The following MRPL35 variants were observed in gnomAD, a reference collection of about 807,000 sequenced individuals.
MRPL35 encodes mitochondrial ribosomal protein L35.
A neutral mutation model predicts 21.6 loss-of-function variants in MRPL35; 18 were observed. That is an observed-to-expected ratio of 0.83 (90% CI 0.58 to 1.24). The LOEUF is 1.24. Among genes scored for constraint, MRPL35 ranks in the 50% most tolerant of loss-of-function variants. The pLI is 0.00. For missense variants in MRPL35, 223 were observed against 223.2 expected (o/e 1.00, Z 0.01); for synonymous variants, 87 against 86.9 (o/e 1.00, Z -0.01).
In MRPL35 at chr2:86,199,483, A is replaced by G. The variant is rs760130446; in HGVS notation, c.-8A>G. The G allele has an allele frequency of 1.9e-6, 3 of 1,614,152 alleles. No individual in the cohort carries two copies. Among genetic ancestry groups the G allele is most frequent in the Non-Finnish European group, 1.7e-6 (2 of 1,180,038 alleles). On this transcript the variant is annotated 5_prime_UTR_variant, in exon 1 of 4. Coordinates refer to ENST00000337109, the MANE Select transcript of MRPL35 (RefSeq NM_016622.4). ...AACCCAAAGCGGCCGCCGTAGGCGA[A>G]GGTGAAGATGGCTGCCTCTGCCTTT... is the stretch of plus-strand genomic sequence containing the variant.
chr2:86,200,837 T>C (rs918931042), intron 1 of MRPL35, among the ~76,000 whole-genome samples: 4 of 152,180 alleles, frequency 2.6e-5, no homozygotes, highest in Admixed American at 6.5e-5. Flanking sequence ...CAGCTAATTT[T>C]GTATTTTTAG....
rs911411983 is a variant in MRPL35 at position 86,211,237 on chromosome 2, T to C, written c.*569T>C. Reference sequence around the variant, plus strand: ...ACACAGCTTTTGCATACTTACAGTTTCTGTTCCTTTGTAATAACTTTAACT... The same window carrying C: ...ACACAGCTTTTGCATACTTACAGTTCCTGTTCCTTTGTAATAACTTTAACT... On this transcript the variant is annotated 3_prime_UTR_variant, in exon 4 of 4. Transcript: ENST00000337109. 1 of 940,140 alleles carries C rather than the reference T, an allele frequency of 1.1e-6. No individual in the cohort carries two copies. The highest frequency in any genetic ancestry group is 1.3e-6 in the Non-Finnish European group (1 of 789,058). The allele number at this position is 940,140 out of a possible 1,614,324, so 58.2% of individuals were successfully genotyped here. A position where few individuals can be genotyped will look rare whatever the true frequency, so the allele number is the denominator to read the frequency against.
At chr2:86,200,262 C>G (rs1166045799) in intron 1 of MRPL35, among the ~76,000 whole-genome samples, 1 of 151,630 alleles carries the variant, frequency 6.6e-6, no homozygotes, top group Non-Finnish European at 1.5e-5. Context: ...GTAAATTTTA[C>G]CGTTAGAGAA....
intron 1 of MRPL35, among the ~76,000 whole-genome samples, chr2:86,202,724 T>G (rs1673709875): frequency 6.6e-6 from 1 of 152,070 alleles, no homozygotes; most frequent in Non-Finnish European, 1.5e-5. Context: ...GGAGACAGAG[T>G]CTCCTTCTGT....
chr2:86,200,788 C>T (rs1265458745), intron 1 of MRPL35, among the ~76,000 whole-genome samples: 2 of 151,956 alleles, frequency 1.3e-5, no homozygotes, highest in Non-Finnish European at 2.9e-5. Context: ...AAGTGATTCC[C>T]TTGGAGTAGC....
chr2:86,206,083 T>A (rs1558855394), intron 1 of MRPL35, 23 bp from the exon 2 acceptor site: 1 of 1,551,702 alleles, frequency 6.4e-7, no homozygotes, highest in Non-Finnish European at 8.8e-7. Flanking sequence ...GAGTATTAAA[T>A]ATATATGCTC....
intron 3 of MRPL35, 76 bp from the exon 4 acceptor site, chr2:86,210,404 T>C (rs1455087082): frequency 3.1e-6 from 4 of 1,276,558 alleles, no homozygotes; most frequent in Non-Finnish European, 4.2e-6. Flanking sequence ...ATTGGGTCTA[T>C]AAACCTTGAG....
Position 86,211,793 on chromosome 2 carries a change from G to C in MRPL35, c.*1125G>C. ...AGTGGTCCTCCTGCCTCAGCTTACT[G>C]AGTAAGGATATGTATTTCTTAAAAG... On this transcript the variant is annotated 3_prime_UTR_variant, in exon 4 of 4. Transcript: ENST00000337109. 2.0e-6 allele frequency: 2 copies of C among 985,268 alleles called. No homozygotes were observed. Among genetic ancestry groups the C allele is most frequent in the Non-Finnish European group, 2.4e-6 (2 of 829,786 alleles). The allele number at this position is 985,268 out of a possible 1,614,324, so 61.0% of individuals were successfully genotyped here. A position where few individuals can be genotyped will look rare whatever the true frequency, so the allele number is the denominator to read the frequency against.
chr2:86,212,774 A>G lies in MRPL35; in HGVS notation c.*2106A>G, dbSNP rs1673933887. ...TACATACGATTTTTGTTTTGTGGGT[A>G]GGAGGGCTTATCATCAACACTGATT... On this transcript the variant is annotated 3_prime_UTR_variant, in exon 4 of 4. Coordinates refer to ENST00000337109, the MANE Select transcript of MRPL35 (RefSeq NM_016622.4). The G allele has an allele frequency of 5.5e-6, 6 of 1,095,168 alleles. No individual in the cohort carries two copies. Among genetic ancestry groups the G allele is most frequent in the Non-Finnish European group, 6.7e-6 (6 of 901,442 alleles). The allele number at this position is 1,095,168 out of a possible 1,614,324, so 67.8% of individuals were successfully genotyped here. A position where few individuals can be genotyped will look rare whatever the true frequency, so the allele number is the denominator to read the frequency against.
intron 1 of MRPL35, 70 bp downstream of exon 1, chr2:86,199,603 GT>G (rs1673645291): frequency 1.9e-6 from 3 of 1,571,820 alleles, no homozygotes; most frequent in Non-Finnish European, 1.7e-6. Context: ...TGGAATGGGC[GT>G]TTAGACTGGA....
At chr2:86,201,054 C>T (rs1013320658) in intron 1 of MRPL35, among the ~76,000 whole-genome samples, 2 of 152,150 alleles carry the variant, frequency 1.3e-5, no homozygotes, top group Non-Finnish European at 2.9e-5. Flanking sequence ...CATCCTGGCG[C>T]ATGAGTCCAA....
At position 86,212,615 on chromosome 2, in the gene MRPL35, C is replaced by T; in HGVS notation, c.*1947C>T. On this transcript the variant is annotated 3_prime_UTR_variant, in exon 4 of 4. Transcript: ENST00000337109. ...ACAAGGGTCTCTGTTACAGGGGCCTCAGAGCACCTTCGTTTCTCCTCTAGA... is the reference window on the plus strand; with the variant it reads ...ACAAGGGTCTCTGTTACAGGGGCCTTAGAGCACCTTCGTTTCTCCTCTAGA... The T allele has an allele frequency of 7.2e-7, 1 of 1,394,698 alleles. No individual in the cohort carries two copies. The highest frequency in any genetic ancestry group is 9.3e-7 in the Non-Finnish European group (1 of 1,076,130). 86.4% of individuals were successfully genotyped at this position (1,394,698 alleles called of 1,614,324 possible). A position where few individuals can be genotyped will look rare whatever the true frequency, so the allele number is the denominator to read the frequency against.
Position 86,212,923 on chromosome 2 carries a change from C to A in MRPL35, c.*2255C>A. 1.3e-6 allele frequency: 1 copy of A among 747,848 alleles called. No individual in the cohort carries two copies. 46.3% of individuals were successfully genotyped at this position (747,848 alleles called of 1,614,324 possible). ...TCAGGTATATGTATAATTTATTGAA[C>A]ACCTACTATGTCCCAGCATATCTAC... On this transcript the variant is annotated 3_prime_UTR_variant, in exon 4 of 4. Transcript: ENST00000337109.
chr2:86,201,396 CTTAT>C (rs762084202), intron 1 of MRPL35, among the ~76,000 whole-genome samples: 1 of 151,928 alleles, frequency 6.6e-6, no homozygotes, highest in Non-Finnish European at 1.5e-5. Flanking sequence ...GATTGTTTGT[CTTAT>C]TTATTTAGAG....
chr2:86,204,284 G>A (rs539972470), intron 1 of MRPL35, among the ~76,000 whole-genome samples: 47 of 152,026 alleles, frequency 3.1e-4, no homozygotes, highest in Middle Eastern at 3.4e-3. Flanking sequence ...ATGCCTGGCT[G>A]GAGTATTTTT....
chr2:86,207,441 C>T, intron 3 of MRPL35, 114 bp downstream of exon 3: 2 of 1,189,300 alleles, frequency 1.7e-6, no homozygotes, highest in East Asian at 2.8e-5. Context: ...GAGTTCAAGA[C>T]CAGCTTGGCC....
Position 86,207,644 on chromosome 2 carries a change from A to G in MRPL35, c.378+317A>G, listed in dbSNP as rs193161538. Among the ~76,000 whole-genome samples, 130 of 152,226 alleles carry G rather than the reference A, an allele frequency of 8.5e-4. 1 individual carries two copies. The highest frequency in any genetic ancestry group is 2.3e-3 in the African/African-American group (96 of 41,536). On this transcript the variant is annotated intron_variant, in intron 3 of 3. Coordinates refer to ENST00000337109, the MANE Select transcript of MRPL35 (RefSeq NM_016622.4). ...GCGAGACTCCGTCTCAAAAAAGAAA[A>G]GAAAAAAGGAGTGTGAGCAGATTAA... is the stretch of plus-strand genomic sequence containing the variant.
intron 1 of MRPL35, among the ~76,000 whole-genome samples, chr2:86,200,015 AT>A (rs1012094784): frequency 6.6e-6 from 1 of 152,192 alleles, no homozygotes; most frequent in Non-Finnish European, 1.5e-5. Flanking sequence ...TTGAAGGCTA[AT>A]TTAATTTTTA....
chr2:86,203,712 C>A (rs547830976), intron 1 of MRPL35, among the ~76,000 whole-genome samples: 14 of 152,294 alleles, frequency 9.2e-5, no homozygotes, highest in Non-Finnish European at 1.8e-4. Flanking sequence ...CTTCCAAGCA[C>A]TATACATGCT....
Sources: gnomAD v4.1 joint callset for allele counts (sites outside exome capture counted in the v4.1 genomes callset) on GRCh38, gnomAD v4.1.1 for gene constraint, MANE v1.5 for transcripts, NCBI Gene and HGNC (gene_info 2026-07-23, HGNC 2026-07-21) for gene names.